NBEA: variants seen among roughly 807,000 people sequenced by gnomAD.
The protein encoded by NBEA is neurobeachin.
Under a neutral mutation model 343.4 loss-of-function variants are expected in NBEA, and 44 were observed. The observed-to-expected ratio is 0.13, with a 90% confidence interval of 0.10 to 0.16. The LOEUF (loss-of-function observed/expected upper bound fraction) is 0.16, where lower values mean the gene tolerates loss of function less well. Among genes scored for constraint, NBEA ranks in the 10% least tolerant of loss-of-function variants. The pLI is 1.00. For synonymous variants in NBEA, 1,175 were observed against 1,238.7 expected, an observed-to-expected ratio of 0.95 and a Z score of 1.08; for missense variants, 2,555 against 3,631.3, an observed-to-expected ratio of 0.70 and a Z score of 7.62.
chr13:35,530,282 G>C (rs2152997982), intron 41 of NBEA, among the ~76,000 whole-genome samples: 1 of 152,270 alleles, frequency 6.6e-6, no homozygotes, highest in African/African-American at 2.4e-5. Flanking sequence ...ATTTTCTGGT[G>C]GTGTGATTAG....
At chr13:35,657,671 T>C (rs2084882297) in intron 55 of NBEA, among the ~76,000 whole-genome samples, 1 of 152,208 alleles carries the variant, frequency 6.6e-6, no homozygotes, top group African/African-American at 2.4e-5. Flanking sequence ...TCCATAATAG[T>C]GTAGCATTTC....
intron 48 of NBEA, among the ~76,000 whole-genome samples, chr13:35,627,229 C>A (rs188339748): frequency 0.067 from 10,168 of 152,166 alleles, 382 homozygotes; most frequent in African/African-American, 0.09. Flanking sequence ...CTGAAATTTA[C>A]AAAGCTAGAT....
intron 41 of NBEA, among the ~76,000 whole-genome samples, chr13:35,538,509 G>A (rs1594915694): frequency 6.6e-6 from 1 of 152,074 alleles, no homozygotes; most frequent in Admixed American, 6.6e-5. Flanking sequence ...TGTTAACACC[G>A]TGTAAAAACA....
intron 1 of NBEA, among the ~76,000 whole-genome samples, chr13:35,004,511 C>T (rs765283368): frequency 6.6e-6 from 1 of 152,186 alleles, no homozygotes; most frequent in Non-Finnish European, 1.5e-5. Context: ...ATGCTGCTAC[C>T]ACTGACAAAC....
chr13:35,600,293 A>G (rs2153047479), intron 47 of NBEA, among the ~76,000 whole-genome samples: 1 of 152,340 alleles, frequency 6.6e-6, no homozygotes, highest in African/African-American at 2.4e-5. Flanking sequence ...AGGAGGCAGC[A>G]TGAGTGACTG....
intron 49 of NBEA, among the ~76,000 whole-genome samples, chr13:35,632,405 T>C (rs1426710932): frequency 6.6e-6 from 1 of 152,084 alleles, no homozygotes; most frequent in Non-Finnish European, 1.5e-5. Context: ...ACTAAATACA[T>C]GTAATGAGAT....
At chr13:35,166,361 ATTTG>A (rs972089529) in intron 24 of NBEA, among the ~76,000 whole-genome samples, 19 of 152,264 alleles carry the variant, frequency 1.2e-4, no homozygotes, top group Admixed American at 2.6e-4. Flanking sequence ...AAATTTGCTT[ATTTG>A]TTTTATGATG....
chr13:34,992,263 T>TATATA (rs1555269591), intron 1 of NBEA, among the ~76,000 whole-genome samples: 38 of 97,408 alleles, frequency 3.9e-4, no homozygotes, highest in Non-Finnish European at 4.7e-4. Flanking sequence ...TATATATATA[T>TATATA]TTTTTTTTTT....
At chr13:35,100,459 T>C (rs74051253) in intron 11 of NBEA, among the ~76,000 whole-genome samples, 1 of 152,172 alleles carries the variant, frequency 6.6e-6, no homozygotes, top group African/African-American at 2.4e-5. Context: ...AATATTTGTT[T>C]AGAAGATGTA....
intron 41 of NBEA, among the ~76,000 whole-genome samples, chr13:35,493,089 C>G (rs749805986): frequency 7.2e-5 from 11 of 151,868 alleles, no homozygotes; most frequent in Middle Eastern, 3.4e-3. Flanking sequence ...ACTGAATTCT[C>G]TAAAAGTGAT....
intron 1 of NBEA, among the ~76,000 whole-genome samples, chr13:34,990,286 C>T (rs771516839): frequency 6.6e-6 from 1 of 151,190 alleles, no homozygotes; most frequent in Non-Finnish European, 1.5e-5. Flanking sequence ...TTAGTAGATT[C>T]TCCATGAGGG....
Position 35,645,873 on chromosome 13 carries a change from C to A in NBEA, c.7622C>A (p.Pro2541Gln). 1 of 1,565,330 alleles carries A rather than the reference C, an allele frequency of 6.4e-7. No individual in the cohort carries two copies. The highest frequency in any genetic ancestry group is 8.7e-7 in the Non-Finnish European group (1 of 1,149,252). Residue 2541 changes from proline to glutamine, a missense_variant, in exon 50 of 59, where the codon CCA (proline) becomes CAA (glutamine). Around this residue, in one of 21 missense-constraint regions of NBEA, gnomAD observed 87 missense variants for 75.0 expected, o/e 1.16. Coordinates refer to ENST00000379939, the MANE Select transcript of NBEA (RefSeq NM_001385012.1). ...TTCTTTTTTTTCCCCATTAAGATTC[C>A]AGAAGCTTATTTCATTAGAGACCCC... ...SITDPVLREI[P>Q]EAYFIRDPHT...
In NBEA at chr13:35,646,135, A is replaced by T. The variant is rs2084217559; in HGVS notation, c.7681-124A>T. 27 of 771,450 alleles carry T rather than the reference A, an allele frequency of 3.5e-5. No individual in the cohort carries two copies. The East Asian group carries it at 7.3e-4, about 21-fold the overall frequency. The allele number at this position is 771,450 out of a possible 1,614,324, so 47.8% of individuals were successfully genotyped here. ...TGATTCTGCACCCTGAGAAAAGAGC[A>T]CCCGTTGAATTTTCTGGACTTTTTT... On this transcript the variant is annotated intron_variant, in intron 50 of 58. Transcript: ENST00000379939.
chr13:35,609,366 G>T (rs1336837129), intron 48 of NBEA, among the ~76,000 whole-genome samples: 1 of 152,192 alleles, frequency 6.6e-6, no homozygotes, highest in East Asian at 1.9e-4. Context: ...TCAGTGTACA[G>T]ATAACTTTAG....
intron 33 of NBEA, among the ~76,000 whole-genome samples, chr13:35,212,506 A>C (rs1020588243): frequency 6.6e-6 from 1 of 152,148 alleles, no homozygotes; most frequent in African/African-American, 2.4e-5. Context: ...CTACTATTAC[A>C]TGTGTGTACT....
intron 36 of NBEA, among the ~76,000 whole-genome samples, chr13:35,323,502 A>G (rs1026342761): frequency 6.8e-6 from 1 of 146,920 alleles, no homozygotes; most frequent in African/African-American, 2.5e-5. Context: ...ACTCATAGGT[A>G]GGAATTGAAC....
At chr13:35,241,661 G>GA (rs1455343217) in intron 34 of NBEA, among the ~76,000 whole-genome samples, 2 of 151,724 alleles carry the variant, frequency 1.3e-5, no homozygotes, top group Non-Finnish European at 3.0e-5. Context: ...TTCTCCCAAA[G>GA]AAAAAATGAA....
intron 1 of NBEA, among the ~76,000 whole-genome samples, chr13:34,962,368 C>A (rs1324897402): frequency 6.6e-6 from 1 of 151,956 alleles, no homozygotes; most frequent in Non-Finnish European, 1.5e-5. Context: ...TGTCAGTAAA[C>A]CTCATCCTAA....
chr13:35,277,324 A>T (rs1315986763), intron 34 of NBEA, among the ~76,000 whole-genome samples: 3 of 152,094 alleles, frequency 2.0e-5, no homozygotes, highest in Admixed American at 2.0e-4. Context: ...TTCATGACTT[A>T]TTAAAAATCA....
Sources: allele counts gnomAD v4.1 joint callset (sites outside exome capture counted in the v4.1 genomes callset), GRCh38; gene constraint gnomAD v4.1.1; regional missense constraint gnomAD v4.1.1; transcripts MANE v1.5; gene names NCBI Gene and HGNC (gene_info 2026-07-23, HGNC 2026-07-21).